The following FKBP5 variants were observed in gnomAD, a reference collection of about 807,000 sequenced individuals.
FKBP5 encodes peptidyl-prolyl cis-trans isomerase FKBP5.
FKBP5 carries 23 observed loss-of-function variants against 50.5 expected under a neutral mutation model. The ratio of observed to expected loss-of-function variants is 0.46; its 90% CI spans 0.33 to 0.65. The LOEUF is 0.65. FKBP5 is among the 30% of genes least tolerant of loss of function. The probability of loss-of-function intolerance (pLI) is 0.02; values close to 1 mark genes in which losing one functional copy is unlikely to be tolerated. For missense variants in FKBP5, 411 were observed against 553.1 expected, an observed-to-expected ratio of 0.74 and a Z score of 2.58; for synonymous variants, 176 against 190.6, an observed-to-expected ratio of 0.92 and a Z score of 0.63.
At chr6:35,662,670 A>G (rs986482378) in intron 1 of FKBP5, among the ~76,000 whole-genome samples, 4 of 152,184 alleles carry the variant, frequency 2.6e-5, no homozygotes, top group Non-Finnish European at 5.9e-5. Flanking sequence ...AATATATAAG[A>G]GAACAAGGAT....
rs1341657362 is a variant in FKBP5 at position 35,642,745 on chromosome 6, G to A, written c.80C>T (p.Ser27Phe). 6.2e-7 allele frequency: 1 copy of A among 1,613,316 alleles called. No individual in the cohort carries two copies. Among genetic ancestry groups the A allele is most frequent in the Admixed American group, 1.7e-5 (1 of 59,910 alleles). The change falls in exon 2 of 11, where the codon TCC (serine) becomes TTC (phenylalanine). Residue 27 changes from serine (S) to phenylalanine (F), a missense_variant. This residue lies in a region of FKBP5 where 56 missense variants were observed against 58.2 expected (regional missense o/e 0.96). Transcript: ENST00000357266. ...TVAEQGEDIT[S>F]KKDRGVLKIV... is the part of the protein sequence containing the mutation. The stretch of plus-strand genomic sequence containing the variant: ...CTTTAATACTCCCCTGTCTTTTTTG[G>A]AGGTAATATCCTCTCCCTGCTCAGC...
intron 5 of FKBP5, among the ~76,000 whole-genome samples, chr6:35,605,083 CGT>C (rs1763267057): frequency 6.6e-6 from 1 of 151,970 alleles, no homozygotes; most frequent in African/African-American, 2.4e-5. Flanking sequence ...GTGCCCGGCC[CGT>C]GTTTTCTTAT....
intron 1 of FKBP5, among the ~76,000 whole-genome samples, chr6:35,683,812 G>A (rs1765748494): frequency 6.6e-6 from 1 of 151,962 alleles, no homozygotes; most frequent in East Asian, 1.9e-4. Flanking sequence ...AGCACTTTGG[G>A]AGGTCGAGGC....
rs1416102509 is a variant in FKBP5 at position 35,659,868 on chromosome 6, A to C, written c.-19-17025T>G. ...TTCTCTACTAGTTTTCTTTTTTTCT[A>C]TTCCACTAATTTTGGCTTTTATCCT... is the stretch of plus-strand genomic sequence containing the variant. On this transcript the variant is annotated intron_variant, in intron 1 of 10. Coordinates refer to ENST00000357266, the MANE Select transcript of FKBP5 (RefSeq NM_004117.4). Among the ~76,000 whole-genome samples the C allele has an allele frequency of 2.4e-5, 2 of 83,150 alleles. 1 individual carries two copies. The highest frequency in any genetic ancestry group is 5.5e-5 in the Non-Finnish European group (2 of 36,176). The allele number at this position is 83,150 out of a possible 152,430, so 54.5% of individuals were successfully genotyped here. A position where few individuals can be genotyped will look rare whatever the true frequency, so the allele number is the denominator to read the frequency against.
chr6:35,603,663 C>T (rs1355329231), intron 5 of FKBP5, among the ~76,000 whole-genome samples: 1 of 148,468 alleles, frequency 6.7e-6, no homozygotes, highest in Non-Finnish European at 1.5e-5. Context: ...GTAACAACAA[C>T]AACAGCAGCA....
chr6:35,626,193 T>C (rs1763993979), intron 3 of FKBP5, among the ~76,000 whole-genome samples: 1 of 152,210 alleles, frequency 6.6e-6, no homozygotes, highest in South Asian at 2.1e-4. Flanking sequence ...AGAATATATA[T>C]GTATACAAAT....
intron 2 of FKBP5, among the ~76,000 whole-genome samples, chr6:35,717,691 G>A (rs529604697): frequency 3.9e-5 from 6 of 152,318 alleles, no homozygotes; most frequent in Non-Finnish European, 7.4e-5. Context: ...ATGTGTTTGT[G>A]GTGGAAGGAG....
chr6:35,718,890 C>G (rs1305533556), intron 2 of FKBP5, among the ~76,000 whole-genome samples: 1 of 152,218 alleles, frequency 6.6e-6, no homozygotes, highest in Non-Finnish European at 1.5e-5. Flanking sequence ...GGGCCCTAAA[C>G]TCTGCCTCTG....
intron 1 of FKBP5, among the ~76,000 whole-genome samples, chr6:35,670,861 A>AC (rs1765367831): frequency 6.6e-6 from 1 of 152,140 alleles, no homozygotes; most frequent in South Asian, 2.1e-4. Flanking sequence ...AAGGGAAAAA[A>AC]CTCAGTCACA....
chr6:35,682,905 TAAA>T (rs569511819), intron 1 of FKBP5, among the ~76,000 whole-genome samples: 1 of 122,734 alleles, frequency 8.1e-6, no homozygotes, highest in Non-Finnish European at 1.7e-5. Flanking sequence ...CAATCTCTTT[TAAA>T]AAAAAAAAAA....
intron 5 of FKBP5, among the ~76,000 whole-genome samples, chr6:35,603,993 A>G (rs1286844844): frequency 6.6e-6 from 1 of 151,770 alleles, no homozygotes; most frequent in Non-Finnish European, 1.5e-5. Flanking sequence ...GGTGTGAGCC[A>G]CCGTGCCCGG....
chr6:35,713,498 A>G (rs1336762552), intron 2 of FKBP5, among the ~76,000 whole-genome samples: 1 of 152,316 alleles, frequency 6.6e-6, no homozygotes, highest in African/African-American at 2.4e-5. Context: ...CAGTTAAGGA[A>G]ATGAAGGCAC....
intron 1 of FKBP5, among the ~76,000 whole-genome samples, chr6:35,653,555 C>A (rs1169056400): frequency 6.6e-6 from 1 of 152,118 alleles, no homozygotes; most frequent in Non-Finnish European, 1.5e-5. Context: ...CTGTACTATT[C>A]TTGAGTGTCA....
At chr6:35,619,520 G>A (rs1383629694) in intron 4 of FKBP5, among the ~76,000 whole-genome samples, 4 of 152,194 alleles carry the variant, frequency 2.6e-5, no homozygotes, top group African/African-American at 9.7e-5. Context: ...AGGTGCTGGT[G>A]TAGAACTATT....
intron 1 of FKBP5, among the ~76,000 whole-genome samples, chr6:35,672,228 C>G (rs1765407483): frequency 6.6e-6 from 1 of 151,766 alleles, no homozygotes; most frequent in Non-Finnish European, 1.5e-5. Flanking sequence ...GGTAATCATC[C>G]AAATACAAAA....
At chr6:35,685,850 C>T (rs556904716) in intron 1 of FKBP5, among the ~76,000 whole-genome samples, 171 of 152,028 alleles carry the variant, frequency 1.1e-3, no homozygotes, top group African/African-American at 3.5e-3. Flanking sequence ...GACATGGTGG[C>T]GCAGGCCTGT....
intron 6 of FKBP5, among the ~76,000 whole-genome samples, chr6:35,596,819 CTG>C (rs1057237613): frequency 2.6e-5 from 4 of 151,922 alleles, no homozygotes; most frequent in South Asian, 4.2e-4. Context: ...TTCAGGGACT[CTG>C]TATAAGAACA....
chr6:35,716,094 G>T (rs918540355), intron 2 of FKBP5, among the ~76,000 whole-genome samples: 1 of 152,170 alleles, frequency 6.6e-6, no homozygotes, highest in Admixed American at 6.6e-5. Flanking sequence ...GGAGACAGGT[G>T]GGGGCAATGG....
chr6:35,586,179 G>A (rs1762592080), intron 8 of FKBP5: 2 of 984,802 alleles, frequency 2.0e-6, no homozygotes, highest in Non-Finnish European at 2.4e-6. Flanking sequence ...GGGAAGCAAT[G>A]GGTAGAACAC....
Sources: allele counts gnomAD v4.1 joint callset (sites outside exome capture counted in the v4.1 genomes callset), GRCh38; gene constraint gnomAD v4.1.1; regional missense constraint gnomAD v4.1.1; transcripts MANE v1.5; gene names NCBI Gene and HGNC (gene_info 2026-07-23, HGNC 2026-07-21).